Variants in ALCAM observed in about 807,000 individuals in gnomAD.
The protein encoded by ALCAM is activated leukocyte cell adhesion molecule.
In ALCAM, 30 loss-of-function variants were observed where a neutral mutation model predicts 70.9. The observed-to-expected ratio is 0.42, with a 90% confidence interval of 0.32 to 0.57. ALCAM has a LOEUF of 0.57. Among genes scored for constraint, ALCAM ranks in the 20% least tolerant of loss-of-function variants. The pLI, the probability that ALCAM is intolerant of heterozygous loss-of-function variation, is 0.11. For missense variants in ALCAM, 591 were observed against 695.1 expected (o/e 0.85, Z 1.68); for synonymous variants, 249 against 242.5 (o/e 1.03, Z -0.25).
intron 14 of ALCAM, 40 bp from the exon 15 acceptor site, chr3:105,571,812 T>C: frequency 2.2e-6 from 3 of 1,350,310 alleles, no homozygotes; most frequent in Non-Finnish European, 3.1e-6. Context: ...GTTGAACATG[T>C]ATGTGTCAAT....
rs144533834 is a variant in ALCAM, at chr3:105,507,774, G to A, written c.74-12293G>A. On this transcript the variant is annotated intron_variant, in intron 1 of 15. Coordinates refer to ENST00000306107, the MANE Select transcript of ALCAM (RefSeq NM_001627.4). The stretch of plus-strand genomic sequence containing the variant: ...AAACTTGCAACTCATTTGAAAAGTC[G>A]TTAATTGTGAAAAGTGTTTTTGACA... 3.8e-3 allele frequency among the ~76,000 whole-genome samples: 571 copies of A among 152,248 alleles called. 2 individuals carry two copies. Among genetic ancestry groups the A allele is most frequent in the Non-Finnish European group, 5.9e-3 (402 of 68,022 alleles).
At chr3:105,450,975 G>T (rs1937412464) in intron 1 of ALCAM, among the ~76,000 whole-genome samples, 1 of 152,094 alleles carries the variant, frequency 6.6e-6, no homozygotes, top group Non-Finnish European at 1.5e-5. Context: ...GAATTAGGAT[G>T]GGGAAGAGAA....
intron 8 of ALCAM, chr3:105,544,992 A>G (rs1940209573): frequency 2.3e-6 from 1 of 433,994 alleles, no homozygotes; most frequent in Admixed American, 3.3e-5. Context: ...AACTGCAAAT[A>G]AATGGATAAT....
chr3:105,446,202 T>G (rs532130818), intron 1 of ALCAM, among the ~76,000 whole-genome samples: 1 of 151,980 alleles, frequency 6.6e-6, no homozygotes, highest in South Asian at 2.1e-4. Context: ...GATAAACAAA[T>G]GGCAATGGGT....
rs546347735 is a variant in ALCAM at position 105,519,047 on chromosome 3, G to GT, written c.74-1013dup. On this transcript the variant is annotated intron_variant, in intron 1 of 15. Coordinates refer to ENST00000306107, the MANE Select transcript of ALCAM (RefSeq NM_001627.4). ...CCACCTGGTGGACAAAATATCATTT[G>GT]TTTTTTTCTCTACTGTTTAAAGTAG... Among the ~76,000 whole-genome samples, 219 of 152,010 alleles carry GT rather than the reference G, an allele frequency of 1.4e-3. 2 individuals carry two copies. Among genetic ancestry groups the GT allele is most frequent in the African/African-American group, 4.8e-3 (201 of 41,502 alleles).
intron 1 of ALCAM, among the ~76,000 whole-genome samples, chr3:105,380,203 C>A (rs573711475): frequency 6.6e-6 from 1 of 151,760 alleles, no homozygotes; most frequent in South Asian, 2.1e-4. Context: ...TAGGTAATCC[C>A]AAATTGTATT....
chr3:105,525,210 AAGTAG>A, intron 3 of ALCAM: 2 of 985,272 alleles, frequency 2.0e-6, no homozygotes, highest in Non-Finnish European at 2.4e-6. Flanking sequence ...CAAGGGGAGA[AAGTAG>A]AGTAGTGATG....
intron 1 of ALCAM, among the ~76,000 whole-genome samples, chr3:105,423,363 G>C (rs998449144): frequency 4.0e-5 from 6 of 151,092 alleles, no homozygotes; most frequent in Admixed American, 6.6e-5. Context: ...TTTTGGCGCA[G>C]AACAAACAGG....
At chr3:105,422,861 A>G (rs1382329055) in intron 1 of ALCAM, among the ~76,000 whole-genome samples, 1 of 151,502 alleles carries the variant, frequency 6.6e-6, no homozygotes, top group Non-Finnish European at 1.5e-5. Flanking sequence ...ACTCTGGGGA[A>G]TGACATAGTT....
At chr3:105,466,428 T>C (rs1937736358) in intron 1 of ALCAM, among the ~76,000 whole-genome samples, 1 of 151,544 alleles carries the variant, frequency 6.6e-6, no homozygotes, top group Non-Finnish European at 1.5e-5. Flanking sequence ...ACTGATTTAT[T>C]AAAGCTGCAT....
chr3:105,527,418 C>T (rs1421890968), intron 3 of ALCAM, among the ~76,000 whole-genome samples: 1 of 152,108 alleles, frequency 6.6e-6, no homozygotes, highest in Non-Finnish European at 1.5e-5. Context: ...GGCTAAGATT[C>T]ACTCCTCATC....
At chr3:105,545,397 C>T in intron 9 of ALCAM, 62 bp downstream of exon 9, 1 of 1,174,514 alleles carries the variant, frequency 8.5e-7, no homozygotes, top group Non-Finnish European at 1.3e-6. Flanking sequence ...GTTTCTTATG[C>T]ACTTTATATT....
intron 6 of ALCAM, among the ~76,000 whole-genome samples, chr3:105,539,550 T>C (rs1246571533): frequency 1.3e-5 from 2 of 152,104 alleles, no homozygotes; most frequent in African/African-American, 2.4e-5. Context: ...TGAAGTATTA[T>C]CATGCAATAT....
rs553106962 is a variant in ALCAM, at chr3:105,463,439, C to T, written c.74-56628C>T. Among the ~76,000 whole-genome samples the T allele has an allele frequency of 3.4e-4, 52 of 151,526 alleles. No homozygotes were observed. The South Asian group carries it at 0.01, about 30-fold the overall frequency. ...CTAAGAAGTCAAAAGTTATAGCTAC[C>T]TTTAAGTTACATAACTTTAGAGACA... is the stretch of plus-strand genomic sequence containing the variant. On this transcript the variant is annotated intron_variant, in intron 1 of 15. Transcript: ENST00000306107.
intron 4 of ALCAM, 61 bp from the exon 5 acceptor site, chr3:105,533,542 G>A (rs570585856): frequency 9.5e-6 from 14 of 1,471,690 alleles, no homozygotes; most frequent in African/African-American, 1.4e-5. Context: ...AGTTTCTGGA[G>A]TTTCCAAATT....
chr3:105,512,729 G>T (rs1939271805), intron 1 of ALCAM, among the ~76,000 whole-genome samples: 1 of 151,816 alleles, frequency 6.6e-6, no homozygotes, highest in African/African-American at 2.4e-5. Flanking sequence ...TGAATCAGGG[G>T]AGAGGGGAGC....
intron 4 of ALCAM, among the ~76,000 whole-genome samples, chr3:105,532,814 A>G (rs1008569023): frequency 1.1e-4 from 17 of 152,136 alleles, no homozygotes; most frequent in Non-Finnish European, 2.4e-4. Context: ...GGCAAAGAAA[A>G]GTTGGATCAT....
At position 105,496,827 on chromosome 3, in the gene ALCAM, GGTGT is replaced by G. The variant is rs1553728769; in HGVS notation, c.74-23214_74-23211del. ...TTAGATATTCTGATAGTCCAATTGA[GGTGT>G]GTGTGTGTGTGTGTGTGTGTGTGTG... On this transcript the variant is annotated intron_variant, in intron 1 of 15. Coordinates refer to ENST00000306107, the MANE Select transcript of ALCAM (RefSeq NM_001627.4). Among the ~76,000 whole-genome samples the G allele has an allele frequency of 1.9e-3, 197 of 103,892 alleles. 1 individual carries two copies. Among genetic ancestry groups the G allele is most frequent in the African/African-American group, 6.0e-3 (173 of 29,070 alleles). The allele number at this position is 103,892 out of a possible 152,430, so 68.2% of individuals were successfully genotyped here.
intron 1 of ALCAM, among the ~76,000 whole-genome samples, chr3:105,515,051 T>TCA (rs139498998): frequency 0.23 from 35,140 of 151,236 alleles, 4,236 homozygotes; most frequent in East Asian, 0.36. Context: ...CCTTTGTATC[T>TCA]CACACACACA....
Sources: gnomAD v4.1 joint callset for allele counts (sites outside exome capture counted in the v4.1 genomes callset) on GRCh38, gnomAD v4.1.1 for gene constraint, MANE v1.5 for transcripts, NCBI Gene and HGNC (gene_info 2026-07-23, HGNC 2026-07-21) for gene names.